The following DPP6 variants were observed in gnomAD, a reference collection of about 807,000 sequenced individuals.
The protein encoded by DPP6 is dipeptidyl peptidase like 6.
In DPP6, 69 loss-of-function variants were observed where a neutral mutation model predicts 122.6. That is an observed-to-expected ratio of 0.56 (90% CI 0.46 to 0.69). The LOEUF (loss-of-function observed/expected upper bound fraction) is 0.69. Ranked by LOEUF, DPP6 falls within the 30% of genes least tolerant of loss-of-function variation. The pLI, the probability that DPP6 is intolerant of heterozygous loss-of-function variation, is 0.00. For synonymous variants in DPP6, 418 were observed against 433.1 expected, an observed-to-expected ratio of 0.97 and a Z score of 0.43; for missense variants, 928 against 1,116.9, an observed-to-expected ratio of 0.83 and a Z score of 2.41.
intron 1 of DPP6, among the ~76,000 whole-genome samples, chr7:153,909,248 A>G (rs1449315245): frequency 1.3e-5 from 2 of 152,118 alleles, no homozygotes; most frequent in East Asian, 1.9e-4. Flanking sequence ...AGCAACCTCT[A>G]ACAGCTTGTG....
chr7:154,573,846 T>C (rs1831283712), intron 5 of DPP6, among the ~76,000 whole-genome samples: 2 of 152,248 alleles, frequency 1.3e-5, no homozygotes, highest in Admixed American at 1.3e-4. Flanking sequence ...TGTAAGATAA[T>C]GCTGATGTGG....
Position 154,624,323 on chromosome 7 carries a change from T to C in DPP6, c.628-13498T>C, listed in dbSNP as rs1288798015. Among the ~76,000 whole-genome samples, 2 of 32,638 alleles carry C rather than the reference T, an allele frequency of 6.1e-5. No individual in the cohort carries two copies. Among genetic ancestry groups the C allele is most frequent in the African/African-American group, 2.2e-4 (2 of 8,890 alleles). 21.4% of individuals were successfully genotyped at this position (32,638 alleles called of 152,430 possible). A position where few individuals can be genotyped will look rare whatever the true frequency, so the allele number is the denominator to read the frequency against. ...GCCAGGGCGACAGAGTGAGACTCCA[T>C]CTTAAAAAAAAAAAAAAAATCAGCT... On this transcript the variant is annotated intron_variant, in intron 5 of 25. Coordinates refer to ENST00000377770, the MANE Select transcript of DPP6 (RefSeq NM_130797.4). The surrounding 1 kb of genome is among the most constrained non-coding windows in gnomAD (Gnocchi z 4.7).
chr7:153,799,796 T>C, the DPP6 span, among the ~76,000 whole-genome samples: 1 of 152,254 alleles, frequency 6.6e-6, no homozygotes, highest in Non-Finnish European at 1.5e-5. Flanking sequence ...TATTTATGCA[T>C]TTGTAATTTA....
rs568455862 is a variant in DPP6 at position 154,381,665 on chromosome 7, C to T, written c.244-64549C>T. ...CCGAAAAATGCTGGTTTCAGCAACA[C>T]GGAAAACATAAAAAGATAATTATAG... On this transcript the variant is annotated intron_variant, in intron 1 of 25. Transcript: ENST00000377770. Among the ~76,000 whole-genome samples the T allele has an allele frequency of 5.3e-5, 8 of 152,230 alleles. No homozygotes were observed. The East Asian group carries it at 1.2e-3, about 22-fold the overall frequency.
intron 1 of DPP6, among the ~76,000 whole-genome samples, chr7:154,089,782 T>A: frequency 6.6e-6 from 1 of 151,068 alleles, no homozygotes; most frequent in East Asian, 2.0e-4. Context: ...TTCTCTGGTT[T>A]ATTTTTTTAA....
At chr7:154,212,541 G>A (rs1378419203) in intron 1 of DPP6, among the ~76,000 whole-genome samples, 3 of 152,194 alleles carry the variant, frequency 2.0e-5, no homozygotes, top group Non-Finnish European at 2.9e-5. Flanking sequence ...AGCCATAAAT[G>A]TATGGACGTG....
chr7:153,871,506 C>T, the DPP6 span, among the ~76,000 whole-genome samples: 17 of 152,196 alleles, frequency 1.1e-4, no homozygotes, highest in African/African-American at 4.1e-4. Context: ...TGGAAAAGCG[C>T]AGTATTAGGG....
the DPP6 span, among the ~76,000 whole-genome samples, chr7:153,760,001 G>T: frequency 4.0e-5 from 6 of 150,716 alleles, no homozygotes; most frequent in Non-Finnish European, 8.8e-5. Context: ...CTCTCTATCT[G>T]TATGTGAGTG....
the DPP6 span, among the ~76,000 whole-genome samples, chr7:153,771,556 T>C: frequency 6.6e-6 from 1 of 152,096 alleles, no homozygotes; most frequent in Non-Finnish European, 1.5e-5. Flanking sequence ...GCCAGGCTGG[T>C]CTCTAACTCC....
chr7:154,202,021 C>T (rs187821815), intron 1 of DPP6, among the ~76,000 whole-genome samples: 1 of 152,334 alleles, frequency 6.6e-6, no homozygotes, highest in East Asian at 1.9e-4. Context: ...TTTTCACCCA[C>T]TACAGTTAGT....
chr7:153,765,356 A>G, the DPP6 span, among the ~76,000 whole-genome samples: 29 of 119,324 alleles, frequency 2.4e-4, no homozygotes, highest in Non-Finnish European at 5.0e-4. Context: ...AGCCTGGCCA[A>G]TATGGTGAAA....
intron 1 of DPP6, among the ~76,000 whole-genome samples, chr7:153,904,448 G>A (rs568976855): frequency 6.6e-5 from 10 of 152,258 alleles, no homozygotes; most frequent in African/African-American, 1.7e-4. Flanking sequence ...CCAGGACAAC[G>A]GGAGAGGGTA....
intron 1 of DPP6, among the ~76,000 whole-genome samples, chr7:154,365,473 CCTT>C (rs780874914): frequency 1.3e-5 from 2 of 152,114 alleles, no homozygotes; most frequent in Non-Finnish European, 2.9e-5. Flanking sequence ...GATGAGCCCC[CCTT>C]CTTCTCTTCC....
intron 1 of DPP6, among the ~76,000 whole-genome samples, chr7:154,298,256 G>C (rs571026078): frequency 2.0e-5 from 2 of 98,946 alleles, no homozygotes; most frequent in South Asian, 2.9e-4. Context: ...TTAAAAATCT[G>C]TCTCTCTCTC....
In DPP6 at chr7:154,060,076, G is replaced by T. The variant is rs1403429753; in HGVS notation, c.243+7013G>T. On this transcript the variant is annotated intron_variant, in intron 1 of 25. Transcript: ENST00000377770. The stretch of plus-strand genomic sequence containing the variant: ...AACCCCTCTTCCCCCCCTGGCTCTT[G>T]GGACCACCATCGCAGGGGGGGAGGC... Among the ~76,000 whole-genome samples, 5 of 126,986 alleles carry T rather than the reference G, an allele frequency of 3.9e-5. No homozygotes were observed. The East Asian group carries it at 1.1e-3, about 29-fold the overall frequency. 83.3% of individuals were successfully genotyped at this position (126,986 alleles called of 152,430 possible).
chr7:154,629,566 A>G (rs1374282706), intron 5 of DPP6, among the ~76,000 whole-genome samples: 1 of 149,826 alleles, frequency 6.7e-6, no homozygotes, highest in Non-Finnish European at 1.5e-5. Context: ...TCTTGATTCT[A>G]GCTTAAGAAA....
intron 13 of DPP6, among the ~76,000 whole-genome samples, chr7:154,803,081 C>T (rs987244439): frequency 4.6e-5 from 7 of 152,108 alleles, no homozygotes; most frequent in African/African-American, 9.7e-5. Context: ...ACGCTGTCTG[C>T]GCCCCCAGGC....
intron 1 of DPP6, among the ~76,000 whole-genome samples, chr7:153,951,928 A>G (rs1444588132): frequency 6.6e-6 from 1 of 152,200 alleles, no homozygotes; most frequent in Non-Finnish European, 1.5e-5. Flanking sequence ...CTGTAGTCCC[A>G]GCTACTCGGG....
At chr7:154,089,828 C>CAGT (rs1804678715) in intron 1 of DPP6, among the ~76,000 whole-genome samples, 1 of 151,946 alleles carries the variant, frequency 6.6e-6, no homozygotes, top group East Asian at 1.9e-4. Flanking sequence ...TAATCATTAT[C>CAGT]AGTAGCAGAT....
Sources: allele counts gnomAD v4.1 joint callset (sites outside exome capture counted in the v4.1 genomes callset), GRCh38; gene constraint gnomAD v4.1.1; non-coding constraint Gnocchi (gnomAD v3.1); transcripts MANE v1.5; gene names NCBI Gene and HGNC (gene_info 2026-07-23, HGNC 2026-07-21).